DMKN: variants seen among roughly 807,000 people sequenced by gnomAD.
DMKN encodes epidermis-specific secreted protein SK30/SK89.
In DMKN, 58 loss-of-function variants were observed where a neutral mutation model predicts 67.6. The observed-to-expected ratio is 0.86, with a 90% CI of 0.69 to 1.07. The LOEUF is 1.07. Ranked by LOEUF, DMKN falls within the 50% of genes least tolerant of loss-of-function variation. DMKN has a pLI of 0.00. For missense variants in DMKN, 596 were observed against 601.5 expected (o/e 0.99, Z 0.10); for synonymous variants, 240 against 232.3 (o/e 1.03, Z -0.30).
At position 35,511,565 on chromosome 19, in the gene DMKN, C is replaced by T; in HGVS notation, c.764G>A (p.Ser255Asn). ...GGGSGSQSGS[S>N]GSGSNGDNNN... is the part of the protein sequence containing the mutation. ...GTTGTCACCATTGCTGCCACTGCCA[C>T]TGCTGCCCGACTGTGAGCCGCTGCC... The change falls in exon 5 of 16, where the codon AGT becomes AAT. Residue 255 changes from serine to asparagine, a missense_variant. Coordinates refer to ENST00000339686, the MANE Select transcript of DMKN (RefSeq NM_033317.5). 1.9e-6 allele frequency: 3 copies of T among 1,595,692 alleles called. No homozygotes were observed. The highest frequency in any genetic ancestry group is 2.6e-6 in the Non-Finnish European group (3 of 1,174,406).
Position 35,498,856 on chromosome 19 carries a change from T to C in DMKN, c.1383+18A>G. ...CCTTCTCTCTCCAGCCAGATGAAGA[T>C]CAGGCCCCCATACTCACCGAGGAAG... is the stretch of plus-strand genomic sequence containing the variant. On this transcript the variant is annotated intron_variant, in intron 14 of 15. Transcript: ENST00000339686. 6.2e-7 allele frequency: 1 copy of C among 1,614,154 alleles called. No homozygotes were observed.
intron 9 of DMKN, 77 bp downstream of exon 9, chr19:35,505,641 C>A: frequency 6.3e-7 from 1 of 1,593,954 alleles, no homozygotes; most frequent in Non-Finnish European, 8.6e-7. Flanking sequence ...GCCAGCATCA[C>A]TGTTTCCCCA....
intron 7 of DMKN, chr19:35,507,228 C>T: frequency 2.2e-6 from 1 of 463,450 alleles, no homozygotes. Context: ...TGTTTTCTCC[C>T]CTTACAAAAG....
chr19:35,506,344 G>A (rs2069511387), intron 7 of DMKN: 2 of 709,860 alleles, frequency 2.8e-6, no homozygotes, highest in Non-Finnish European at 4.6e-6. Context: ...GCACCAAAAA[G>A]TTCACTTGGG....
At chr19:35,503,958 A>C (rs2068938475) in intron 9 of DMKN, among the ~76,000 whole-genome samples, 2 of 152,078 alleles carry the variant, frequency 1.3e-5, no homozygotes, top group East Asian at 3.9e-4. Flanking sequence ...CAGGAACATT[A>C]CACTGCGTTC....
intron 7 of DMKN, chr19:35,507,448 C>T: frequency 6.4e-7 from 1 of 1,551,156 alleles, no homozygotes. Context: ...CTGCCTGCCC[C>T]TAGGCTCACC....
At chr19:35,507,511 C>T (rs1599967759) in intron 7 of DMKN, 1 of 1,551,486 alleles carries the variant, frequency 6.4e-7, no homozygotes. Flanking sequence ...TTGCTTATTT[C>T]CTAGGGAGAC....
In DMKN at chr19:35,511,753, C is replaced by G; in HGVS notation, c.735+10G>C. The G allele has an allele frequency of 3.1e-6, 5 of 1,612,170 alleles. No homozygotes were observed. Among genetic ancestry groups the G allele is most frequent in the Non-Finnish European group, 4.2e-6 (5 of 1,178,764 alleles). Reference sequence around the variant, plus strand: ...GGTGCACAACTCCTGGGTTGCCCCTCTCCACTCACCCCAGAGTTGCTGGAG... The same window carrying G: ...GGTGCACAACTCCTGGGTTGCCCCTGTCCACTCACCCCAGAGTTGCTGGAG... On this transcript the variant is annotated intron_variant, in intron 4 of 15. Transcript: ENST00000339686.
rs2071117716 is a variant in DMKN, at chr19:35,513,420, C to G, written c.56G>C (p.Gly19Ala). 1 of 1,604,090 alleles carries G rather than the reference C, an allele frequency of 6.2e-7. No homozygotes were observed. The highest frequency in any genetic ancestry group is 2.2e-5 in the East Asian group (1 of 44,878). The change falls in exon 1 of 16, where the codon GGG becomes GCG. Residue 19 changes from glycine to alanine, a missense_variant. Coordinates refer to ENST00000339686, the MANE Select transcript of DMKN (RefSeq NM_033317.5). The stretch of plus-strand genomic sequence containing the variant: ...TCCGCTCTGCAGGGGGCCAGCCTCC[C>G]CACTGCCCAGGCAGAGGGCCAGCAG... ...CLLLALCLGSGEAGPLQSGEE... is the reference protein window; with the variant it reads ...CLLLALCLGSAEAGPLQSGEE...
chr19:35,508,089 G>T, intron 7 of DMKN: 2 of 1,367,776 alleles, frequency 1.5e-6, no homozygotes, highest in Non-Finnish European at 1.0e-6. Flanking sequence ...AGAGCTCTCA[G>T]GTAGACCTGG....
At chr19:35,508,531 C>A (rs930197626) in intron 7 of DMKN, 17 of 280,290 alleles carry the variant, frequency 6.1e-5, no homozygotes, top group African/African-American at 3.8e-4. Context: ...CCCCAAAATA[C>A]TAAGGTATTT....
rs2069344049 is a variant in DMKN, at chr19:35,505,721, G to C, written c.1131C>G (p.Asn377Lys). 1 of 1,614,080 alleles carries C rather than the reference G, an allele frequency of 6.2e-7. No homozygotes were observed. The highest frequency in any genetic ancestry group is 1.7e-5 in the Admixed American group (1 of 60,004). The stretch of plus-strand genomic sequence containing the variant: ...GACGAAGATGTCCAGCCCTTACCTT[G>C]TTTATGGCATCCCAGTTGATGAAAC... ...KLGFINWDAI[N>K]KNQVPPPSTR... is the part of the protein sequence containing the mutation. Residue 377 changes from asparagine (N) to lysine (K), a missense_variant, in exon 9 of 16, where the codon AAC (asparagine) becomes AAG (lysine). Asn to Lys is a moderately conservative substitution (Grantham distance 94). Coordinates refer to ENST00000339686, the MANE Select transcript of DMKN (RefSeq NM_033317.5).
Position 35,508,703 on chromosome 19 carries a change from A to G in DMKN, c.1038+1208T>C, listed in dbSNP as rs188170491. On this transcript the variant is annotated intron_variant, in intron 7 of 15. Coordinates refer to ENST00000339686, the MANE Select transcript of DMKN (RefSeq NM_033317.5). ...TAAAGGAGGACACAGCTCGGATACAAAGCGTAGGGTAAGTCTGGTTAGATG... is the reference window on the plus strand; with the variant it reads ...TAAAGGAGGACACAGCTCGGATACAGAGCGTAGGGTAAGTCTGGTTAGATG... 3.2e-3 allele frequency: 532 copies of G among 165,202 alleles called. 6 individuals are homozygous for G. Among genetic ancestry groups the G allele is most frequent in the African/African-American group, 0.012 (513 of 41,666 alleles). The allele number at this position is 165,202 out of a possible 1,614,324, so 10.2% of individuals were successfully genotyped here. A position where few individuals can be genotyped will look rare whatever the true frequency, so the allele number is the denominator to read the frequency against.
intron 7 of DMKN, chr19:35,508,088 A>T: frequency 7.4e-7 from 1 of 1,351,760 alleles, no homozygotes; most frequent in Non-Finnish European, 1.0e-6. Flanking sequence ...CAGAGCTCTC[A>T]GGTAGACCTG....
At chr19:35,498,690 C>T in intron 15 of DMKN, 26 bp downstream of exon 15, 1 of 1,613,496 alleles carries the variant, frequency 6.2e-7, no homozygotes, top group Non-Finnish European at 8.5e-7. Context: ...AGGATGTGGC[C>T]TGGGTCGGCT....
intron 13 of DMKN, among the ~76,000 whole-genome samples, chr19:35,499,700 T>C (rs999835431): frequency 6.6e-6 from 1 of 152,148 alleles, no homozygotes; most frequent in Non-Finnish European, 1.5e-5. Flanking sequence ...TTCTCAGTTT[T>C]CTCTGTTGCT....
At position 35,502,011 on chromosome 19, in the gene DMKN, G is replaced by C. The variant is rs961348893; in HGVS notation, c.1239+125C>G. On this transcript the variant is annotated intron_variant, in intron 11 of 15. Coordinates refer to ENST00000339686, the MANE Select transcript of DMKN (RefSeq NM_033317.5). ...TCTCCCTCTCACCCCGCCCCCACTC[G>C]GGATTGCACAAAGCCTGGGAAAGTG... The C allele has an allele frequency of 4.5e-6, 7 of 1,570,020 alleles. No individual in the cohort carries two copies. In the African/African-American group the frequency reaches 9.5e-5, roughly 21 times the overall value.
At chr19:35,498,331 T>G (rs2067787211) in intron 15 of DMKN, 2 of 207,574 alleles carry the variant, frequency 9.6e-6, no homozygotes, top group Non-Finnish European at 1.9e-5. Flanking sequence ...GACGGGGTTT[T>G]GCCATGTTTC....
Position 35,513,288 on chromosome 19 carries a change from G to T in DMKN, c.188C>A (p.Ala63Asp). The change falls in exon 1 of 16, where the codon GCT (alanine) becomes GAT (aspartate). Residue 63 changes from alanine (A) to aspartate (D), a missense_variant. Ala to Asp is a moderately radical substitution (Grantham distance 126, BLOSUM62 -2). Coordinates refer to ENST00000339686, the MANE Select transcript of DMKN (RefSeq NM_033317.5). ...KAIGKEAGGA[A>D]GSKVSEALGQ... ...AAGGGCCTCACTGACTTTAGAGCCA[G>T]CTGCCCCTCCGGCCTCTTTGCCAAT... is the stretch of plus-strand genomic sequence containing the variant. 6.2e-7 allele frequency: 1 copy of T among 1,613,956 alleles called. No individual in the cohort carries two copies. Among genetic ancestry groups the T allele is most frequent in the Non-Finnish European group, 8.5e-7 (1 of 1,179,888 alleles).
Sources: gnomAD v4.1 joint callset for allele counts (sites outside exome capture counted in the v4.1 genomes callset) on GRCh38, gnomAD v4.1.1 for gene constraint, MANE v1.5 for transcripts, NCBI Gene and HGNC (gene_info 2026-07-23, HGNC 2026-07-21) for gene names.